DLGAP1: variants seen among roughly 807,000 people sequenced by gnomAD.
DLGAP1 encodes DLG associated protein 1.
Under a neutral mutation model 90.8 loss-of-function variants are expected in DLGAP1, and 11 were observed. That is an observed-to-expected ratio of 0.12 (90% confidence interval 0.08 to 0.20). The LOEUF (loss-of-function observed/expected upper bound fraction) is 0.20, where lower values mean the gene tolerates loss of function less well. Ranked by LOEUF, DLGAP1 falls within the 10% of genes least tolerant of loss-of-function variation. DLGAP1 has a pLI of 1.00. For synonymous variants in DLGAP1, 558 were observed against 540.7 expected (o/e 1.03, Z -0.44); for missense variants, 1,050 against 1,333.8 (o/e 0.79, Z 3.31).
chr18:3,862,541 C>T (rs973603778), intron 4 of DLGAP1, among the ~76,000 whole-genome samples: 2 of 147,046 alleles, frequency 1.4e-5, no homozygotes, highest in Non-Finnish European at 3.0e-5. Context: ...GCAGAGGAGC[C>T]GACAGGCACG....
chr18:3,651,936 G>A (rs376043213), intron 7 of DLGAP1, among the ~76,000 whole-genome samples: 3 of 148,500 alleles, frequency 2.0e-5, no homozygotes, highest in Admixed American at 1.3e-4. Flanking sequence ...ACGCCACTGC[G>A]CTCCAGCCTG....
chr18:4,067,370 GAGGA>G (rs113554683), intron 2 of DLGAP1, among the ~76,000 whole-genome samples: 12 of 151,768 alleles, frequency 7.9e-5, no homozygotes, highest in African/African-American at 1.7e-4. Flanking sequence ...AGGAGGGAGG[GAGGA>G]AGGAAGGAAG....
intron 10 of DLGAP1, among the ~76,000 whole-genome samples, chr18:3,520,549 A>G (rs1370601825): frequency 6.6e-6 from 1 of 152,152 alleles, no homozygotes; most frequent in Admixed American, 6.5e-5. Context: ...CTAATCCACT[A>G]CGACTGATGT....
chr18:3,608,725 T>C (rs1456569333), intron 7 of DLGAP1, among the ~76,000 whole-genome samples: 1 of 152,232 alleles, frequency 6.6e-6, no homozygotes, highest in Non-Finnish European at 1.5e-5. Flanking sequence ...GGTCTCGCTC[T>C]ATACCCAGAG....
chr18:4,147,201 T>TAAATAGATG (rs1396032640), intron 2 of DLGAP1, among the ~76,000 whole-genome samples: 1 of 152,224 alleles, frequency 6.6e-6, no homozygotes, highest in Non-Finnish European at 1.5e-5. Context: ...AGGAATTTAT[T>TAAATAGATG]AAATAGATGT....
At position 3,942,180 on chromosome 18, in the gene DLGAP1, T is replaced by C. The variant is rs543272395; in HGVS notation, c.-72-62040A>G. The stretch of plus-strand genomic sequence containing the variant: ...GCCTCATTTTCTAGAAGTTAGTATT[T>C]ATGAAGAGCCTTCACTATAAGCCAG... On this transcript the variant is annotated intron_variant, in intron 3 of 12. Coordinates refer to ENST00000315677, the MANE Select transcript of DLGAP1 (RefSeq NM_004746.4). Among the ~76,000 whole-genome samples the C allele has an allele frequency of 4.6e-5, 7 of 152,294 alleles. No homozygotes were observed. In the East Asian group the frequency reaches 1.4e-3, roughly 29 times the overall value.
At chr18:3,623,457 A>G (rs1379014970) in intron 7 of DLGAP1, among the ~76,000 whole-genome samples, 11 of 152,322 alleles carry the variant, frequency 7.2e-5, no homozygotes. Flanking sequence ...GGTTCTGCTA[A>G]TGACAACTCT....
At chr18:3,731,179 G>T (rs1175081816) in intron 6 of DLGAP1, among the ~76,000 whole-genome samples, 1 of 151,736 alleles carries the variant, frequency 6.6e-6, no homozygotes, top group Non-Finnish European at 1.5e-5. Context: ...TGTATATATA[G>T]ACATATATAT....
chr18:4,085,938 A>G (rs959286564), intron 2 of DLGAP1, among the ~76,000 whole-genome samples: 1 of 152,158 alleles, frequency 6.6e-6, no homozygotes, highest in Non-Finnish European at 1.5e-5. Flanking sequence ...GAAAGTGATT[A>G]TTGACTTTGC....
intron 3 of DLGAP1, among the ~76,000 whole-genome samples, chr18:3,942,357 C>T (rs1202351545): frequency 7.9e-5 from 12 of 152,162 alleles, no homozygotes; most frequent in African/African-American, 2.4e-5. Context: ...CTGCTGGTGT[C>T]GGAAGGCAGG....
At chr18:4,132,444 T>A (rs1461001547) in intron 2 of DLGAP1, among the ~76,000 whole-genome samples, 2 of 152,170 alleles carry the variant, frequency 1.3e-5, no homozygotes, top group Admixed American at 6.5e-5. Flanking sequence ...CTCTGCCACT[T>A]TCTAGCTGTG....
intron 4 of DLGAP1, among the ~76,000 whole-genome samples, chr18:3,854,814 C>A (rs946300162): frequency 1.3e-5 from 2 of 152,148 alleles, no homozygotes; most frequent in South Asian, 4.1e-4. Flanking sequence ...ACATGATTAC[C>A]AGACAAGCTG....
intron 1 of DLGAP1, among the ~76,000 whole-genome samples, chr18:4,310,581 G>T (rs2080375002): frequency 1.3e-5 from 2 of 152,088 alleles, no homozygotes; most frequent in Non-Finnish European, 2.9e-5. Context: ...TTAGCACTGT[G>T]CTTTATCATA....
At chr18:3,525,841 G>A (rs1466781675) in intron 10 of DLGAP1, among the ~76,000 whole-genome samples, 1 of 152,198 alleles carries the variant, frequency 6.6e-6, no homozygotes, top group Non-Finnish European at 1.5e-5. Flanking sequence ...TCCAGGCCCA[G>A]TTCTGCCCCC....
At chr18:4,071,509 G>A (rs1208847689) in intron 2 of DLGAP1, among the ~76,000 whole-genome samples, 2 of 152,094 alleles carry the variant, frequency 1.3e-5, no homozygotes, top group African/African-American at 4.8e-5. Flanking sequence ...ACTTCCCAGG[G>A]CAGTGCCCTC....
chr18:3,643,662 CAA>C (rs538678987), intron 7 of DLGAP1, among the ~76,000 whole-genome samples: 16,826 of 62,600 alleles, frequency 0.27, 491 homozygotes, highest in African/African-American at 0.31. Flanking sequence ...GACTCCATCT[CAA>C]AAAAAAAAAA....
At chr18:3,882,332 T>C (rs2071194508) in intron 3 of DLGAP1, among the ~76,000 whole-genome samples, 1 of 149,436 alleles carries the variant, frequency 6.7e-6, no homozygotes, top group South Asian at 2.1e-4. Context: ...AACCCAGGAG[T>C]TTGAGACAAG....
chr18:3,732,354 G>C (rs2062465913), intron 6 of DLGAP1, among the ~76,000 whole-genome samples: 1 of 152,196 alleles, frequency 6.6e-6, no homozygotes, highest in African/African-American at 2.4e-5. Flanking sequence ...TCAATGTCTA[G>C]ATTTGTTAAT....
intron 1 of DLGAP1, among the ~76,000 whole-genome samples, chr18:4,242,650 C>A (rs949348080): frequency 2.0e-5 from 3 of 152,136 alleles, no homozygotes; most frequent in African/African-American, 7.2e-5. Context: ...GCACTAGGAA[C>A]CCGATACCTG....
Sources: allele counts gnomAD v4.1 joint callset (sites outside exome capture counted in the v4.1 genomes callset), GRCh38; gene constraint gnomAD v4.1.1; transcripts MANE v1.5; gene names NCBI Gene and HGNC (gene_info 2026-07-23, HGNC 2026-07-21).